LIMCH1: variants seen among roughly 807,000 people sequenced by gnomAD.
LIMCH1 encodes LIM and calponin homology domains 1, also known as LIM and calponin homology domains-containing protein 1.
In LIMCH1, 113 loss-of-function variants were observed where a neutral mutation model predicts 176.5. The ratio of observed to expected loss-of-function variants is 0.64; its 90% CI spans 0.55 to 0.75. The LOEUF (loss-of-function observed/expected upper bound fraction) is 0.75, where lower values mean the gene tolerates loss of function less well. LIMCH1 is among the 30% of genes least tolerant of loss of function. The pLI is 0.00. For missense variants in LIMCH1, 1,674 were observed against 1,814.9 expected, an observed-to-expected ratio of 0.92 and a Z score of 1.41; for synonymous variants, 619 against 645.9, an observed-to-expected ratio of 0.96 and a Z score of 0.63.
At chr4:41,406,570 A>G (rs1033792389) in intron 1 of LIMCH1, among the ~76,000 whole-genome samples, 6 of 152,158 alleles carry the variant, frequency 3.9e-5, no homozygotes, top group African/African-American at 1.4e-4. Context: ...TTCTCTTACT[A>G]TGGAAACCAA....
At chr4:41,574,271 TCCCC>T (rs2084071569) in intron 1 of LIMCH1, among the ~76,000 whole-genome samples, 1 of 6,576 alleles carries the variant, frequency 1.5e-4, no homozygotes, top group African/African-American at 6.5e-4. Context: ...TCCCCTCCCC[TCCCC>T]TCCCCTCCCC....
At chr4:41,621,988 A>C (rs78908185) in intron 7 of LIMCH1, among the ~76,000 whole-genome samples, 2 of 152,172 alleles carry the variant, frequency 1.3e-5, no homozygotes, top group South Asian at 4.1e-4. Context: ...AAAAAAAAAA[A>C]CAACTAAGGA....
At chr4:41,633,128 T>C (rs1220468336) in intron 12 of LIMCH1, 43 bp downstream of exon 12, 1 of 1,359,108 alleles carries the variant, frequency 7.4e-7, no homozygotes, top group African/African-American at 1.5e-5. Flanking sequence ...GTGTTGCCCC[T>C]GCTGTGTGTG....
chr4:41,371,898 A>G (rs1192415736), intron 1 of LIMCH1, among the ~76,000 whole-genome samples: 1 of 152,224 alleles, frequency 6.6e-6, no homozygotes, highest in Non-Finnish European at 1.5e-5. Flanking sequence ...ATTATTACAT[A>G]TGCGATTGGG....
chr4:41,363,792 C>G (rs1159258547), intron 1 of LIMCH1, among the ~76,000 whole-genome samples: 1 of 152,116 alleles, frequency 6.6e-6, no homozygotes, highest in Non-Finnish European at 1.5e-5. Flanking sequence ...GTGGGGACAG[C>G]CCTTTAACAC....
rs562324514 is a variant in LIMCH1 at position 41,404,639 on chromosome 4, C to T, written c.96+43703C>T. ...CTAAAAATACAAAAAATTAGCTGGGCGTGGTGGTGGGCGCCTGTAATCCCA... is the reference window on the plus strand; with the variant it reads ...CTAAAAATACAAAAAATTAGCTGGGTGTGGTGGTGGGCGCCTGTAATCCCA... On this transcript the variant is annotated intron_variant, in intron 1 of 26. Coordinates refer to the LIMCH1 transcript ENST00000313860. 6.0e-4 allele frequency among the ~76,000 whole-genome samples: 91 copies of T among 151,940 alleles called. 1 individual carries two copies. Among genetic ancestry groups the T allele is most frequent in the African/African-American group, 2.1e-3 (87 of 41,398 alleles).
chr4:41,593,919 C>A (rs1561860102), intron 1 of LIMCH1, among the ~76,000 whole-genome samples: 2 of 152,340 alleles, frequency 1.3e-5, no homozygotes, highest in South Asian at 2.1e-4. Context: ...GACAGGCAGA[C>A]ATACTCGCAA....
rs372751468 is a variant in LIMCH1 at position 41,460,458 on chromosome 4, C to CTTTATATTTTTATATATATA, written c.97-34077_97-34076insTTATATTTTTATATATATAT. On this transcript the variant is annotated intron_variant, in intron 1 of 26. Transcript: ENST00000313860. ...AAATTTGTTCCACTATAGTAATCAT[C>CTTTATATTTTTATATATATA]TATATATATATATATATATATCTTA... is the stretch of plus-strand genomic sequence containing the variant. 1.4e-3 allele frequency among the ~76,000 whole-genome samples: 150 copies of CTTTATATTTTTATATATATA among 110,550 alleles called. 4 individuals are homozygous for CTTTATATTTTTATATATATA. Among genetic ancestry groups the CTTTATATTTTTATATATATA allele is most frequent in the African/African-American group, 5.9e-3 (148 of 25,240 alleles). 72.5% of individuals were successfully genotyped at this position (110,550 alleles called of 152,430 possible).
chr4:41,387,265 C>T (rs1442843804), intron 1 of LIMCH1, among the ~76,000 whole-genome samples: 2 of 152,186 alleles, frequency 1.3e-5, no homozygotes, highest in East Asian at 3.9e-4. Flanking sequence ...ACATTCCACT[C>T]ATAATCCTTT....
chr4:41,505,416 T>A (rs556224442), intron 2 of LIMCH1, among the ~76,000 whole-genome samples: 1 of 152,346 alleles, frequency 6.6e-6, no homozygotes, highest in South Asian at 2.1e-4. Flanking sequence ...TTCTCTCATC[T>A]AGCTTGTGAT....
intron 1 of LIMCH1, among the ~76,000 whole-genome samples, chr4:41,409,329 C>A (rs539607626): frequency 1.3e-4 from 20 of 152,188 alleles, no homozygotes; most frequent in African/African-American, 4.3e-4. Flanking sequence ...AGGAAATATT[C>A]AGCCAAAAAG....
chr4:41,414,581 C>T (rs7349673), intron 1 of LIMCH1, among the ~76,000 whole-genome samples: 87,257 of 151,890 alleles, frequency 0.57, 28,160 homozygotes, highest in East Asian at 0.82. Context: ...TTGTTATGAC[C>T]GTAAATTATG....
chr4:41,443,051 GT>G (rs1446599783), intron 1 of LIMCH1, among the ~76,000 whole-genome samples: 1 of 152,046 alleles, frequency 6.6e-6, no homozygotes, highest in Non-Finnish European at 1.5e-5. Flanking sequence ...TTTCATGTGT[GT>G]TTAGTTAGAG....
chr4:41,582,052 A>G (rs2085581765), intron 1 of LIMCH1, among the ~76,000 whole-genome samples: 2 of 152,194 alleles, frequency 1.3e-5, no homozygotes, highest in Admixed American at 1.3e-4. Flanking sequence ...GGCTATTGCT[A>G]ATAATACTGC....
intron 1 of LIMCH1, among the ~76,000 whole-genome samples, chr4:41,596,337 T>C (rs2088811691): frequency 6.6e-6 from 1 of 151,816 alleles, no homozygotes; most frequent in Admixed American, 6.6e-5. Flanking sequence ...TGGAAAATGA[T>C]GTGACCCAAA....
At chr4:41,665,961 C>T (rs2094807313) in intron 20 of LIMCH1, among the ~76,000 whole-genome samples, 1 of 152,170 alleles carries the variant, frequency 6.6e-6, no homozygotes, top group East Asian at 1.9e-4. Flanking sequence ...AGTAGTCCAA[C>T]ATGCCTCAAA....
intron 1 of LIMCH1, among the ~76,000 whole-genome samples, chr4:41,489,977 TAAA>T (rs1245472698): frequency 6.6e-6 from 1 of 152,160 alleles, no homozygotes; most frequent in Admixed American, 6.5e-5. Context: ...AAAATGTTAT[TAAA>T]AATCATAAGG....
chr4:41,419,677 CTTCCTCCT>C (rs748601233), intron 1 of LIMCH1, among the ~76,000 whole-genome samples: 762 of 74,214 alleles, frequency 0.01, 9 homozygotes, highest in Middle Eastern at 0.024. Flanking sequence ...TCCTTCCTTC[CTTCCTCCT>C]TCCTTCCTTC....
rs1319430390 is a variant in LIMCH1, at chr4:41,699,599, A to G, written c.*2414A>G. ...AAAAAATGCTCTGCTCCATTGAGCTATAATGTAAATGTGTTTGTTTAAAAA... is the reference window on the plus strand; with the variant it reads ...AAAAAATGCTCTGCTCCATTGAGCTGTAATGTAAATGTGTTTGTTTAAAAA... On this transcript the variant is annotated 3_prime_UTR_variant, in exon 32 of 32. Coordinates refer to ENST00000503057, the MANE Select transcript of LIMCH1 (RefSeq NM_001330672.2). The G allele has an allele frequency of 2.0e-5, 3 of 152,136 alleles. No homozygotes were observed. The highest frequency in any genetic ancestry group is 4.8e-5 in the African/African-American group (2 of 41,420). The allele number at this position is 152,136 out of a possible 1,614,324, so 9.4% of individuals were successfully genotyped here. A position where few individuals can be genotyped will look rare whatever the true frequency, so the allele number is the denominator to read the frequency against.
Sources: allele counts gnomAD v4.1 joint callset (sites outside exome capture counted in the v4.1 genomes callset), GRCh38; gene constraint gnomAD v4.1.1; transcripts MANE v1.5; gene names NCBI Gene and HGNC (gene_info 2026-07-23, HGNC 2026-07-21).